Variants in AKAP12 observed in about 807,000 individuals in gnomAD.
The protein encoded by AKAP12 is A-kinase anchor protein 12.
Under a neutral mutation model 79.9 loss-of-function variants are expected in AKAP12, and 32 were observed. That is an observed-to-expected ratio of 0.40 (90% CI 0.30 to 0.54). The LOEUF is 0.54. Among genes scored for constraint, AKAP12 ranks in the 20% least tolerant of loss-of-function variants. The pLI, the probability that AKAP12 is intolerant of heterozygous loss-of-function variation, is 0.48. For missense variants in AKAP12, 2,074 were observed against 2,177.0 expected (o/e 0.95, Z 0.94); for synonymous variants, 808 against 857.0 (o/e 0.94, Z 1.00).
At chr6:151,299,589 T>G (rs1288845418) in intron 2 of AKAP12, among the ~76,000 whole-genome samples, 2 of 152,150 alleles carry the variant, frequency 1.3e-5, no homozygotes, top group African/African-American at 4.8e-5. Flanking sequence ...TAGTTTGGTT[T>G]TAAACACATA....
At chr6:151,318,654 G>A (rs1017278401) in intron 3 of AKAP12, among the ~76,000 whole-genome samples, 4 of 152,182 alleles carry the variant, frequency 2.6e-5, no homozygotes, top group African/African-American at 9.7e-5. Flanking sequence ...TCATACACTT[G>A]GCTGGATGCA....
intron 2 of AKAP12, among the ~76,000 whole-genome samples, chr6:151,279,425 G>T (rs563574724): frequency 2.6e-5 from 4 of 151,860 alleles, no homozygotes; most frequent in South Asian, 4.2e-4. Flanking sequence ...TTAAATTTTT[G>T]TGTGTGTGTG....
At chr6:151,243,981 A>ATT (rs1797023171) in intron 2 of AKAP12, among the ~76,000 whole-genome samples, 1 of 152,084 alleles carries the variant, frequency 6.6e-6, no homozygotes, top group African/African-American at 2.4e-5. Context: ...CTCCAGACTA[A>ATT]GTCTGGACAA....
At chr6:151,312,387 C>G (rs115998837) in intron 3 of AKAP12, among the ~76,000 whole-genome samples, 1 of 151,940 alleles carries the variant, frequency 6.6e-6, no homozygotes, top group Non-Finnish European at 1.5e-5. Context: ...GTGGGAGGAT[C>G]GCTTGACTTG....
chr6:151,332,031 C>CTGTTGTTTTTGTTT, intron 3 of AKAP12, among the ~76,000 whole-genome samples: 1 of 72,792 alleles, frequency 1.4e-5, no homozygotes, highest in South Asian at 8.2e-4. Flanking sequence ...AGTTCTGGGT[C>CTGTTGTTTTTGTTT]TGTTTTTTTT....
chr6:151,306,787 A>G (rs1263630155), intron 3 of AKAP12, among the ~76,000 whole-genome samples: 1 of 152,228 alleles, frequency 6.6e-6, no homozygotes, highest in Non-Finnish European at 1.5e-5. Context: ...ACTTATCTGT[A>G]TATAGCACCA....
At chr6:151,327,220 A>G (rs1216901152) in intron 3 of AKAP12, among the ~76,000 whole-genome samples, 1 of 152,044 alleles carries the variant, frequency 6.6e-6, no homozygotes, top group Admixed American at 6.6e-5. Context: ...ATTTACAAGA[A>G]TGTGAAAGTT....
rs1349133707 is a variant in AKAP12 at position 151,332,038 on chromosome 6, T to TTTGTTTTG, written c.320-16671_320-16670insGTTTTGTT. 8.4e-5 allele frequency among the ~76,000 whole-genome samples: 12 copies of TTTGTTTTG among 142,066 alleles called. 1 individual carries two copies. The highest frequency in any genetic ancestry group is 2.9e-4 in the African/African-American group (11 of 37,730). 93.2% of individuals were successfully genotyped at this position (142,066 alleles called of 152,430 possible). A position where few individuals can be genotyped will look rare whatever the true frequency, so the allele number is the denominator to read the frequency against. The stretch of plus-strand genomic sequence containing the variant: ...GCACGTCCAGTTCTGGGTCTGTTTT[T>TTTGTTTTG]TTTTTTTTTTTTTTTTGAGACAGTC... On this transcript the variant is annotated intron_variant, in intron 3 of 4. Coordinates refer to ENST00000402676, the MANE Select transcript of AKAP12 (RefSeq NM_005100.4).
intron 2 of AKAP12, 117 bp downstream of exon 2, chr6:151,240,841 C>A: frequency 2.1e-6 from 2 of 965,776 alleles, no homozygotes; most frequent in Non-Finnish European, 2.7e-6. Flanking sequence ...CCAGCCGCAT[C>A]TGCAAACTCA....
chr6:151,314,939 C>T (rs184873541), intron 3 of AKAP12, among the ~76,000 whole-genome samples: 42 of 151,900 alleles, frequency 2.8e-4, no homozygotes, highest in African/African-American at 9.7e-4. Flanking sequence ...GTAGTCCCAG[C>T]TATTCGGGAG....
At chr6:151,263,506 A>G (rs1797480042) in intron 2 of AKAP12, among the ~76,000 whole-genome samples, 1 of 152,208 alleles carries the variant, frequency 6.6e-6, no homozygotes, top group Non-Finnish European at 1.5e-5. Context: ...TTCAACAGAT[A>G]ATAATAAATT....
intron 3 of AKAP12, among the ~76,000 whole-genome samples, chr6:151,339,978 G>A (rs942404835): frequency 3.3e-5 from 5 of 151,502 alleles, no homozygotes; most frequent in Non-Finnish European, 7.4e-5. Flanking sequence ...CCAGGCTGGA[G>A]TGCAGTGGCG....
rs752511454 is a variant in AKAP12, at chr6:151,352,733, G to C, written c.4342G>C (p.Gly1448Arg). The C allele has an allele frequency of 1.9e-6, 3 of 1,614,186 alleles. No individual in the cohort carries two copies. The highest frequency in any genetic ancestry group is 2.5e-6 in the Non-Finnish European group (3 of 1,180,040). Reference sequence around the variant, plus strand: ...AACAGGTGAAACGTTGGAGCCTGCAGGTGCACATTTAGTTCTGGAAGAGAA... The same window carrying C: ...AACAGGTGAAACGTTGGAGCCTGCACGTGCACATTTAGTTCTGGAAGAGAA... The part of the protein sequence containing the change: ...LETGETLEPA[G>R]AHLVLEEKSS... The change falls in exon 4 of 5, where the codon GGT becomes CGT. Residue 1448 changes from glycine to arginine, a missense_variant. This residue lies in a region of AKAP12 where 614 missense variants were observed against 665.6 expected (regional missense o/e 0.92). Coordinates refer to ENST00000402676, the MANE Select transcript of AKAP12 (RefSeq NM_005100.4).
At chr6:151,325,753 C>G (rs1388010963) in intron 3 of AKAP12, 1 of 1,592,038 alleles carries the variant, frequency 6.3e-7, no homozygotes, top group South Asian at 1.1e-5. Flanking sequence ...TCAGTCCGCT[C>G]TGATCCCGCC....
At chr6:151,311,668 T>A (rs926560) in intron 3 of AKAP12, among the ~76,000 whole-genome samples, 115,087 of 152,194 alleles carry the variant, frequency 0.76, 44,843 homozygotes, top group East Asian at 0.95. Context: ...ATACAACACT[T>A]TAGAGAATTT....
At chr6:151,249,332 T>G (rs1330343411) in intron 2 of AKAP12, among the ~76,000 whole-genome samples, 1 of 152,214 alleles carries the variant, frequency 6.6e-6, no homozygotes, top group Non-Finnish European at 1.5e-5. Context: ...TATTTCTGTT[T>G]TAATTTCTTC....
intron 3 of AKAP12, chr6:151,325,432 C>T: frequency 1.0e-6 from 1 of 985,450 alleles, no homozygotes; most frequent in Non-Finnish European, 1.2e-6. Flanking sequence ...TCATGCCCAG[C>T]ACCCTTTAAA....
At chr6:151,325,618 G>A (rs1777502520) in intron 3 of AKAP12, 1 of 1,370,592 alleles carries the variant, frequency 7.3e-7, no homozygotes. Flanking sequence ...TGGGTGGCTG[G>A]GTGGGGGCGT....
rs563838639 is a variant in AKAP12 at position 151,324,229 on chromosome 6, A to C, written c.319+18326A>C. 9.1e-6 allele frequency: 9 copies of C among 985,426 alleles called. No homozygotes were observed. The South Asian group carries it at 4.2e-4, about 46-fold the overall frequency. The allele number at this position is 985,426 out of a possible 1,614,324, so 61.0% of individuals were successfully genotyped here. A position where few individuals can be genotyped will look rare whatever the true frequency, so the allele number is the denominator to read the frequency against. On this transcript the variant is annotated intron_variant, in intron 3 of 4. Coordinates refer to ENST00000402676, the MANE Select transcript of AKAP12 (RefSeq NM_005100.4). The stretch of plus-strand genomic sequence containing the variant: ...TGGGTCTGGGAGTCAGCTTCCAGGC[A>C]ATATCTCACTGAGTCAGGACAAGGC...
Sources: allele counts gnomAD v4.1 joint callset (sites outside exome capture counted in the v4.1 genomes callset), GRCh38; gene constraint gnomAD v4.1.1; regional missense constraint gnomAD v4.1.1; transcripts MANE v1.5; gene names NCBI Gene and HGNC (gene_info 2026-07-23, HGNC 2026-07-21).